The following SNX29 variants were observed in gnomAD, a reference collection of about 807,000 sequenced individuals.
SNX29 encodes the protein sorting nexin-29.
SNX29 carries 78 observed loss-of-function variants against 102.1 expected under a neutral mutation model. That is an observed-to-expected ratio of 0.76 (90% CI 0.64 to 0.92). SNX29 has a LOEUF of 0.92. SNX29 is among the 40% of genes least tolerant of loss of function. The pLI, the probability that SNX29 is intolerant of heterozygous loss-of-function variation, is 0.00. For synonymous variants in SNX29, 580 were observed against 414.5 expected (o/e 1.40, Z -4.85); for missense variants, 1,280 against 1,061.7 (o/e 1.21, Z -2.86).
intron 15 of SNX29, among the ~76,000 whole-genome samples, chr16:12,295,098 G>T (rs781164052): frequency 2.6e-5 from 4 of 152,220 alleles, no homozygotes; most frequent in Non-Finnish European, 4.4e-5. Context: ...AACTGCCCCA[G>T]TGATTCAATT....
intron 13 of SNX29, among the ~76,000 whole-genome samples, chr16:12,178,079 G>C (rs1453125628): frequency 6.6e-6 from 1 of 152,166 alleles, no homozygotes; most frequent in African/African-American, 2.4e-5. Flanking sequence ...TGTCATCTTA[G>C]TTTTCATATG....
At chr16:12,408,543 A>T (rs2084266960) in intron 18 of SNX29, among the ~76,000 whole-genome samples, 1 of 152,246 alleles carries the variant, frequency 6.6e-6, no homozygotes, top group African/African-American at 2.4e-5. Context: ...TCCTCCGGCC[A>T]GGTGCAGTGG....
intron 14 of SNX29, among the ~76,000 whole-genome samples, chr16:12,259,998 G>C (rs1394228849): frequency 6.6e-6 from 1 of 152,132 alleles, no homozygotes; most frequent in Admixed American, 6.5e-5. Context: ...GCGCGGCCAC[G>C]TTCCTCCAGT....
At chr16:12,504,214 AGCACATAAC>A (rs1185486922) in intron 19 of SNX29, among the ~76,000 whole-genome samples, 2 of 152,220 alleles carry the variant, frequency 1.3e-5, no homozygotes, top group Admixed American at 6.5e-5. Context: ...GTCCTGTTAT[AGCACATAAC>A]GGAACTTCAT....
At chr16:12,381,555 C>G (rs1313991581) in intron 16 of SNX29, among the ~76,000 whole-genome samples, 2 of 81,976 alleles carry the variant, frequency 2.4e-5, no homozygotes, top group Non-Finnish European at 2.5e-5. Context: ...CACCTATCCA[C>G]CCAGCCACCC....
intron 18 of SNX29, among the ~76,000 whole-genome samples, chr16:12,439,223 G>T (rs2085684242): frequency 6.6e-6 from 1 of 152,038 alleles, no homozygotes; most frequent in African/African-American, 2.4e-5. Flanking sequence ...GAAGAGAGCT[G>T]AGAGACGGCT....
chr16:12,493,133 T>C (rs1192525008), intron 19 of SNX29, among the ~76,000 whole-genome samples: 1 of 152,216 alleles, frequency 6.6e-6, no homozygotes, highest in South Asian at 2.1e-4. Context: ...AGTATGGCCG[T>C]TTTCATGATA....
At chr16:11,979,949 T>C (rs1213744534) in intron 1 of SNX29, among the ~76,000 whole-genome samples, 1 of 152,152 alleles carries the variant, frequency 6.6e-6, no homozygotes, top group Non-Finnish European at 1.5e-5. Context: ...GGCCATAACA[T>C]TTTATTTTAT....
At chr16:12,547,506 A>T (rs2077682372) in intron 20 of SNX29, among the ~76,000 whole-genome samples, 4 of 152,128 alleles carry the variant, frequency 2.6e-5, no homozygotes, top group African/African-American at 9.7e-5. Flanking sequence ...TGCTGGTTTC[A>T]ATGTGGGTGT....
chr16:12,478,252 A>G (rs1389760909), intron 19 of SNX29, among the ~76,000 whole-genome samples: 1 of 152,220 alleles, frequency 6.6e-6, no homozygotes, highest in Non-Finnish European at 1.5e-5. Context: ...TTTTATTTTT[A>G]AGAATAGACA....
At chr16:12,445,551 G>C (rs1238318964) in intron 18 of SNX29, among the ~76,000 whole-genome samples, 3 of 152,224 alleles carry the variant, frequency 2.0e-5, no homozygotes, top group African/African-American at 7.2e-5. Flanking sequence ...ATGACTGGCT[G>C]GCTGAATGAA....
At position 12,573,082 on chromosome 16, in the gene SNX29, C is replaced by G. The variant is rs1446330039; in HGVS notation, c.*4453C>G. 8.7e-6 allele frequency: 2 copies of G among 230,570 alleles called. No homozygotes were observed. Among genetic ancestry groups the G allele is most frequent in the African/African-American group, 2.2e-5 (1 of 45,096 alleles). 14.3% of individuals were successfully genotyped at this position (230,570 alleles called of 1,614,324 possible). ...CTGTATATTTTATCTCATTTCTGTG[C>G]CAAGAAAGTTCATCTTTATGTTTTT... On this transcript the variant is annotated 3_prime_UTR_variant, in exon 21 of 21. Coordinates refer to ENST00000566228, the MANE Select transcript of SNX29 (RefSeq NM_032167.5).
intron 14 of SNX29, among the ~76,000 whole-genome samples, chr16:12,257,495 A>G (rs150270032): frequency 7.2e-4 from 84 of 116,344 alleles, no homozygotes; most frequent in Admixed American, 1.7e-3. Context: ...TCTGCCTACC[A>G]CTAGCATCTC....
intron 19 of SNX29, among the ~76,000 whole-genome samples, chr16:12,504,997 C>T (rs187225529): frequency 2.2e-3 from 341 of 152,196 alleles, no homozygotes; most frequent in African/African-American, 7.9e-3. Context: ...AATCCTAGGC[C>T]GGGCACAGTG....
intron 18 of SNX29, among the ~76,000 whole-genome samples, chr16:12,452,488 G>C (rs776618826): frequency 3.3e-5 from 5 of 152,204 alleles, no homozygotes; most frequent in African/African-American, 4.8e-5. Context: ...ACACCGCTCC[G>C]TAGAGACCAG....
intron 20 of SNX29, chr16:12,545,364 A>C (rs1005109710): frequency 2.0e-5 from 3 of 152,202 alleles, no homozygotes; most frequent in Non-Finnish European, 4.4e-5. Context: ...ACAGAGTGAC[A>C]ACCCATTGTC....
intron 15 of SNX29, among the ~76,000 whole-genome samples, chr16:12,288,914 A>C (rs1486114193): frequency 5.3e-5 from 8 of 151,916 alleles, no homozygotes; most frequent in Non-Finnish European, 1.0e-4. Context: ...CAGAGTTGGT[A>C]CTCTTCCCAT....
At chr16:12,292,467 T>A (rs924176886) in intron 15 of SNX29, among the ~76,000 whole-genome samples, 1 of 152,234 alleles carries the variant, frequency 6.6e-6, no homozygotes. Flanking sequence ...TGGCCGCTCT[T>A]GGCCTTTGGA....
intron 16 of SNX29, among the ~76,000 whole-genome samples, chr16:12,386,100 G>A (rs547831314): frequency 6.6e-6 from 1 of 152,338 alleles, no homozygotes; most frequent in African/African-American, 2.4e-5. Flanking sequence ...CTCCAGGGCA[G>A]CAAAACATCT....
Sources: allele counts gnomAD v4.1 joint callset (sites outside exome capture counted in the v4.1 genomes callset), GRCh38; gene constraint gnomAD v4.1.1; transcripts MANE v1.5; gene names NCBI Gene and HGNC (gene_info 2026-07-23, HGNC 2026-07-21).